Variants in PTPRM observed in about 807,000 individuals in gnomAD.
PTPRM encodes the protein receptor-type tyrosine-protein phosphatase mu.
A neutral mutation model predicts 186.7 loss-of-function variants in PTPRM; 47 were observed. The observed-to-expected ratio is 0.25, with a 90% CI of 0.20 to 0.32. The LOEUF is 0.32. Among genes scored for constraint, PTPRM ranks in the 10% least tolerant of loss-of-function variants. PTPRM has a pLI of 1.00. For missense variants in PTPRM, 1,494 were observed against 1,865.0 expected (o/e 0.80, Z 3.66); for synonymous variants, 668 against 674.9 (o/e 0.99, Z 0.16).
intron 14 of PTPRM, among the ~76,000 whole-genome samples, chr18:8,217,279 A>AT (rs11376692): frequency 0.31 from 47,178 of 152,088 alleles, 8,558 homozygotes; most frequent in East Asian, 0.71. Context: ...AGTCTTGCGC[A>AT]TAAGTCGGCA....
intron 14 of PTPRM, among the ~76,000 whole-genome samples, chr18:8,189,299 A>AG (rs2093680706): frequency 6.6e-6 from 1 of 151,556 alleles, no homozygotes; most frequent in African/African-American, 2.4e-5. Context: ...AAAAAAAAAA[A>AG]AAAAAGGTCT....
intron 2 of PTPRM, among the ~76,000 whole-genome samples, chr18:7,840,436 AT>A (rs1186060536): frequency 5.3e-5 from 8 of 152,228 alleles, no homozygotes; most frequent in Admixed American, 3.3e-4. Context: ...AAGGTATCGT[AT>A]TTTGAAGCAC....
At chr18:7,701,302 CAAAA>C (rs749852978) in intron 1 of PTPRM, among the ~76,000 whole-genome samples, 1 of 87,282 alleles carries the variant, frequency 1.1e-5, no homozygotes, top group Admixed American at 1.3e-4. Flanking sequence ...GACCGTATCT[CAAAA>C]AAAAAAAAAA....
intron 2 of PTPRM, among the ~76,000 whole-genome samples, chr18:7,780,091 AAAGT>A (rs2042781799): frequency 1.3e-5 from 2 of 152,246 alleles, no homozygotes; most frequent in African/African-American, 4.8e-5. Flanking sequence ...TTCTCTAAAA[AAAGT>A]AAGATAAAAA....
intron 20 of PTPRM, among the ~76,000 whole-genome samples, chr18:8,301,296 A>G: frequency 6.6e-6 from 1 of 152,204 alleles, no homozygotes; most frequent in Non-Finnish European, 1.5e-5. Context: ...TTTACACTAT[A>G]AATTTGCTGA....
intron 1 of PTPRM, among the ~76,000 whole-genome samples, chr18:7,625,813 G>A (rs2038047054): frequency 6.6e-6 from 1 of 152,218 alleles, no homozygotes; most frequent in African/African-American, 2.4e-5. Context: ...GGGATTACAG[G>A]CGTGAGCAAC....
At chr18:7,777,679 G>T (rs2042656541) in intron 2 of PTPRM, among the ~76,000 whole-genome samples, 1 of 152,120 alleles carries the variant, frequency 6.6e-6, no homozygotes, top group Non-Finnish European at 1.5e-5. Context: ...ACTTTCAGAA[G>T]ATGTGTTTTC....
intron 1 of PTPRM, among the ~76,000 whole-genome samples, chr18:7,628,307 CA>C (rs1364027137): frequency 2.0e-5 from 3 of 151,722 alleles, no homozygotes; most frequent in Non-Finnish European, 2.9e-5. Context: ...AATCCAGAAA[CA>C]AAAAAAGATA....
At chr18:7,972,495 G>GA (rs2054614868) in intron 7 of PTPRM, among the ~76,000 whole-genome samples, 2 of 49,400 alleles carry the variant, frequency 4.0e-5, no homozygotes, top group Non-Finnish European at 8.9e-5. Context: ...AAAAAAAAAA[G>GA]GAGAGAAACA....
intron 7 of PTPRM, among the ~76,000 whole-genome samples, chr18:8,056,333 T>A (rs1185631689): frequency 1.3e-5 from 2 of 152,222 alleles, no homozygotes; most frequent in Non-Finnish European, 2.9e-5. Flanking sequence ...ATGCAACTCA[T>A]AATCGCACAT....
chr18:7,836,242 T>G (rs117427215), intron 2 of PTPRM, among the ~76,000 whole-genome samples: 1,750 of 152,258 alleles, frequency 0.011, 13 homozygotes, highest in Non-Finnish European at 0.019. Context: ...TCTGGCTTTT[T>G]TGTGTGTGTG....
intron 19 of PTPRM, among the ~76,000 whole-genome samples, chr18:8,264,029 A>G (rs2094667978): frequency 6.6e-6 from 1 of 152,138 alleles, no homozygotes; most frequent in Admixed American, 6.6e-5. Context: ...GGGGGTTGCC[A>G]TCTTGTGGGA....
chr18:7,889,423 A>G (rs2048956242), intron 3 of PTPRM, among the ~76,000 whole-genome samples: 1 of 149,044 alleles, frequency 6.7e-6, no homozygotes. Context: ...TCCAGCCTCA[A>G]ACTCCTGGGC....
intron 19 of PTPRM, among the ~76,000 whole-genome samples, chr18:8,273,377 CCT>C (rs2094795581): frequency 6.6e-6 from 1 of 152,192 alleles, no homozygotes; most frequent in Non-Finnish European, 1.5e-5. Flanking sequence ...TATGTGAGCC[CCT>C]GACTGCTGGC....
intron 1 of PTPRM, among the ~76,000 whole-genome samples, chr18:7,716,733 A>T (rs1233998939): frequency 6.6e-6 from 1 of 152,240 alleles, no homozygotes; most frequent in Admixed American, 6.5e-5. Context: ...AAAAAAGCTC[A>T]TCATCAGTGG....
chr18:7,647,559 T>G (rs147820848), intron 1 of PTPRM, among the ~76,000 whole-genome samples: 1 of 152,216 alleles, frequency 6.6e-6, no homozygotes, highest in African/African-American at 2.4e-5. Context: ...ACTTTAATTG[T>G]AGCATAATAA....
intron 14 of PTPRM, among the ~76,000 whole-genome samples, chr18:8,206,424 A>G (rs965088294): frequency 9.9e-5 from 15 of 151,860 alleles, no homozygotes; most frequent in Admixed American, 7.9e-4. Context: ...AATTTTTTGT[A>G]CTTTTAGTAG....
intron 13 of PTPRM, among the ~76,000 whole-genome samples, chr18:8,128,975 G>A (rs2092439152): frequency 6.6e-6 from 1 of 152,062 alleles, no homozygotes; most frequent in South Asian, 2.1e-4. Flanking sequence ...GGCTTGAATG[G>A]CATATATTGA....
At chr18:8,045,466 G>T (rs1056032290) in intron 7 of PTPRM, among the ~76,000 whole-genome samples, 1 of 152,194 alleles carries the variant, frequency 6.6e-6, no homozygotes, top group Admixed American at 6.5e-5. Context: ...TGTCTACCCG[G>T]TGGAATATTG....
Sources: allele counts gnomAD v4.1 joint callset (sites outside exome capture counted in the v4.1 genomes callset), GRCh38; gene constraint gnomAD v4.1.1; transcripts MANE v1.5; gene names NCBI Gene and HGNC (gene_info 2026-07-23, HGNC 2026-07-21).